The following DMXL2 variants were observed in gnomAD, a reference collection of about 807,000 sequenced individuals.
The protein encoded by DMXL2 is dmX-like protein 2.
DMXL2 carries 103 observed loss-of-function variants against 331.1 expected under a neutral mutation model. The observed-to-expected ratio is 0.31, with a 90% CI of 0.27 to 0.37. DMXL2 has a LOEUF of 0.37. Among genes scored for constraint, DMXL2 ranks in the 10% least tolerant of loss-of-function variants. DMXL2 has a pLI of 1.00. For synonymous variants in DMXL2, 1,281 were observed against 1,252.1 expected (o/e 1.02, Z -0.49); for missense variants, 3,171 against 3,642.9 (o/e 0.87, Z 3.33).
intron 33 of DMXL2, chr15:51,460,055 A>G: frequency 1.1e-6 from 1 of 951,966 alleles, no homozygotes; most frequent in South Asian, 4.9e-5. Context: ...TAAAATATTT[A>G]TTTCTAAACA....
intron 5 of DMXL2, among the ~76,000 whole-genome samples, chr15:51,563,767 T>C (rs1268516010): frequency 6.6e-6 from 1 of 152,076 alleles, no homozygotes; most frequent in Non-Finnish European, 1.5e-5. Context: ...CTTCGTCACA[T>C]AATCTATATG....
chr15:51,500,604 TA>T (rs1363498083), intron 17 of DMXL2, among the ~76,000 whole-genome samples: 4 of 152,234 alleles, frequency 2.6e-5, no homozygotes, highest in African/African-American at 9.6e-5. Flanking sequence ...AATTTCATAC[TA>T]TATATTTAAT....
chr15:51,569,942 T>A (rs904055964), intron 2 of DMXL2, among the ~76,000 whole-genome samples: 1 of 152,040 alleles, frequency 6.6e-6, no homozygotes, highest in African/African-American at 2.4e-5. Context: ...GAGAATGACT[T>A]TGACAAACTG....
Position 51,536,467 on chromosome 15 carries a change from A to G in DMXL2, c.2013T>C (p.His671=), listed in dbSNP as rs760155570. ...CTAATTCAGGAGTCAATAGAGCATTATGATGAGAGGATGTCAATAACAGTG... is the reference window on the plus strand; with the variant it reads ...CTAATTCAGGAGTCAATAGAGCATTGTGATGAGAGGATGTCAATAACAGTG... ...VLPLLLTSSH[H]NALLTPELDC... The change falls in exon 12 of 44, where the codon CAT becomes CAC. Residue 671 remains histidine (H), a synonymous_variant. Coordinates refer to ENST00000560891, the MANE Select transcript of DMXL2 (RefSeq NM_001378457.1). 3 of 1,613,962 alleles carry G rather than the reference A, an allele frequency of 1.9e-6. No homozygotes were observed. The highest frequency in any genetic ancestry group is 1.3e-5 in the African/African-American group (1 of 74,934).
chr15:51,459,185 A>C (rs1206998927), intron 34 of DMXL2: 1 of 195,410 alleles, frequency 5.1e-6, no homozygotes, highest in Non-Finnish European at 1.1e-5. Context: ...AGAAAACCGC[A>C]AAGAAACCAC....
rs574247635 is a variant in DMXL2 at position 51,449,835 on chromosome 15, A to G, written c.8967+294T>C. Among the ~76,000 whole-genome samples the G allele has an allele frequency of 3.3e-5, 5 of 152,268 alleles. No homozygotes were observed. The South Asian group carries it at 1.0e-3, about 32-fold the overall frequency. On this transcript the variant is annotated intron_variant, in intron 43 of 43. Coordinates refer to ENST00000560891, the MANE Select transcript of DMXL2 (RefSeq NM_001378457.1). ...AGGGGAGAAGCTTCTAAGGAGCCAA[A>G]CTAATGTCATCAAAAAATTTCATGC...
Position 51,481,365 on chromosome 15 carries a change from G to T in DMXL2, c.5741C>A (p.Thr1914Lys), listed in dbSNP as rs1466914109. ...VLSKIPKVTK[T>K]SALSAKKDQP... is the part of the protein sequence containing the mutation. ...ATCTTTTTTTGCAGATAAGGCAGAT[G>T]TTTTGGTTACTTTTGGAATTTTGGA... Residue 1914 changes from threonine to lysine, a missense_variant, in exon 24 of 44, where the codon ACA becomes AAA. By Grantham distance (78) the Thr-to-Lys change is moderately conservative (BLOSUM62 -1). Transcript: ENST00000560891. The T allele has an allele frequency of 6.2e-7, 1 of 1,613,850 alleles. No individual in the cohort carries two copies. The highest frequency in any genetic ancestry group is 1.3e-5 in the African/African-American group (1 of 74,922).
intron 33 of DMXL2, among the ~76,000 whole-genome samples, chr15:51,462,776 G>C (rs901902717): frequency 6.6e-6 from 1 of 152,092 alleles, no homozygotes; most frequent in Non-Finnish European, 1.5e-5. Flanking sequence ...ATAAGGAAGA[G>C]GTCACTTGCC....
At chr15:51,475,122 A>G (rs976784304) in intron 27 of DMXL2, among the ~76,000 whole-genome samples, 2 of 152,208 alleles carry the variant, frequency 1.3e-5, no homozygotes, top group African/African-American at 4.8e-5. Context: ...ATGCCTCTTG[A>G]TATCTCCTAC....
At chr15:51,577,625 G>C (rs542356219) in intron 1 of DMXL2, among the ~76,000 whole-genome samples, 14 of 152,274 alleles carry the variant, frequency 9.2e-5, no homozygotes, top group African/African-American at 3.4e-4. Context: ...GAAATGTTTG[G>C]ATCACCATGC....
chr15:51,517,111 G>C lies in DMXL2; in HGVS notation c.2493C>G (p.Gly831=). ...IVSQQSTARP[G]CIIELDAITN... is the part of the protein sequence containing the mutation. ...TTATTGCGTCGAGTTCAATAATGCAGCCAGGTCGAGCAGTAGACTGTTGGC... is the reference window on the plus strand; with the variant it reads ...TTATTGCGTCGAGTTCAATAATGCACCCAGGTCGAGCAGTAGACTGTTGGC... Residue 831 remains glycine, a synonymous_variant, in exon 14 of 44, where the codon GGC becomes GGG. Transcript: ENST00000560891. 1 of 1,614,024 alleles carries C rather than the reference G, an allele frequency of 6.2e-7. No individual in the cohort carries two copies. Among genetic ancestry groups the C allele is most frequent in the Non-Finnish European group, 8.5e-7 (1 of 1,179,940 alleles).
At chr15:51,450,474 T>G in intron 42 of DMXL2, 128 bp from the exon 43 acceptor site, 1 of 900,890 alleles carries the variant, frequency 1.1e-6, no homozygotes, top group Non-Finnish European at 1.7e-6. Flanking sequence ...TTTATTGTTT[T>G]GTAAGTCATT....
At chr15:51,549,622 T>C (rs749425256) in intron 6 of DMXL2, among the ~76,000 whole-genome samples, 10 of 152,116 alleles carry the variant, frequency 6.6e-5, no homozygotes, top group African/African-American at 9.7e-5. Context: ...CCAACATCTA[T>C]TATTTTTTGG....
intron 1 of DMXL2, among the ~76,000 whole-genome samples, chr15:51,596,788 G>A (rs959447413): frequency 1.2e-4 from 18 of 152,236 alleles, no homozygotes; most frequent in African/African-American, 4.3e-4. Context: ...GGATGAAGCT[G>A]GAAACCATCA....
chr15:51,622,672 T>G lies in DMXL2; in HGVS notation c.-127A>C. 2 of 1,431,158 alleles carry G rather than the reference T, an allele frequency of 1.4e-6. No homozygotes were observed. The highest frequency in any genetic ancestry group is 1.8e-6 in the Non-Finnish European group (2 of 1,087,628). The allele number at this position is 1,431,158 out of a possible 1,614,324, so 88.7% of individuals were successfully genotyped here. On this transcript the variant is annotated 5_prime_UTR_variant, in exon 1 of 44. The change abolishes the stop of an existing upstream ORF in the 5' untranslated region. Coordinates refer to ENST00000560891, the MANE Select transcript of DMXL2 (RefSeq NM_001378457.1). ...AAACCCGCCCCGCGGAGGCTCTGGC[T>G]TAACTCCTCGCCCCCCTTTCGCCTT...
At chr15:51,509,128 C>T (rs1438578511) in intron 15 of DMXL2, among the ~76,000 whole-genome samples, 1 of 151,506 alleles carries the variant, frequency 6.6e-6, no homozygotes, top group Admixed American at 6.6e-5. Context: ...TTCCACTGTA[C>T]AGGCAATACA....
chr15:51,564,145 C>A lies in DMXL2; in HGVS notation c.480G>T (p.Trp160Cys). The A allele has an allele frequency of 6.2e-7, 1 of 1,602,324 alleles. No homozygotes were observed. Among genetic ancestry groups the A allele is most frequent in the Non-Finnish European group, 8.5e-7 (1 of 1,175,656 alleles). Residue 160 changes from tryptophan (W) to cysteine (C), a missense_variant, in exon 5 of 44, where the codon TGG becomes TGT. Trp to Cys is a radical substitution (Grantham distance 215). This residue lies in a region of DMXL2 where 1,674 missense variants were observed against 1,780.2 expected (regional missense o/e 0.94). Coordinates refer to ENST00000560891, the MANE Select transcript of DMXL2 (RefSeq NM_001378457.1). ...CTAACTTGCACTGCCAGACACACTT[C>A]CAATCATTTAAAACAGGAGGAACTG... is the stretch of plus-strand genomic sequence containing the variant. ...DNTVPPVLNDWKCVWQCKTSV... is the reference protein window; with the variant it reads ...DNTVPPVLNDCKCVWQCKTSV...
intron 1 of DMXL2, among the ~76,000 whole-genome samples, chr15:51,602,843 T>C (rs1031568544): frequency 3.9e-5 from 6 of 152,212 alleles, no homozygotes; most frequent in Non-Finnish European, 7.4e-5. Context: ...ACATTCTCCA[T>C]AGGATTTACA....
intron 1 of DMXL2, among the ~76,000 whole-genome samples, chr15:51,593,220 A>C (rs540974731): frequency 2.8e-3 from 434 of 152,338 alleles, no homozygotes; most frequent in Non-Finnish European, 4.6e-3. Flanking sequence ...ATGGAGGAAG[A>C]TCTACCAAGC....
Sources: allele counts gnomAD v4.1 joint callset (sites outside exome capture counted in the v4.1 genomes callset), GRCh38; gene constraint gnomAD v4.1.1; regional missense constraint gnomAD v4.1.1; transcripts MANE v1.5; gene names NCBI Gene and HGNC (gene_info 2026-07-23, HGNC 2026-07-21).